The following ZNF365 variants were observed in gnomAD, a reference collection of about 807,000 sequenced individuals.
ZNF365 encodes the protein zinc finger protein 365.
A neutral mutation model predicts 35.0 loss-of-function variants in ZNF365; 22 were observed. The ratio of observed to expected loss-of-function variants is 0.63; its 90% confidence interval spans 0.45 to 0.90. The LOEUF (loss-of-function observed/expected upper bound fraction) is 0.90. Ranked by LOEUF, ZNF365 falls within the 40% of genes least tolerant of loss-of-function variation. The pLI, the probability that ZNF365 is intolerant of heterozygous loss-of-function variation, is 0.00. For synonymous variants in ZNF365, 188 were observed against 196.2 expected (o/e 0.96, Z 0.35); for missense variants, 448 against 500.3 (o/e 0.90, Z 1.00).
At chr10:62,397,327 G>A (rs995445846) in intron 3 of ZNF365, among the ~76,000 whole-genome samples, 1 of 152,118 alleles carries the variant, frequency 6.6e-6, no homozygotes, top group African/African-American at 2.4e-5. Context: ...GAAGAATGCA[G>A]GCAGTGATCC....
intron 4 of ZNF365, among the ~76,000 whole-genome samples, chr10:62,471,537 G>A (rs1022508904): frequency 1.3e-4 from 20 of 152,082 alleles, no homozygotes; most frequent in Non-Finnish European, 2.1e-4. Flanking sequence ...TTGGAATAGC[G>A]AAAGGCAGTA....
At chr10:62,458,012 A>G (rs1048086564) in intron 3 of ZNF365, among the ~76,000 whole-genome samples, 12 of 152,218 alleles carry the variant, frequency 7.9e-5, no homozygotes, top group Non-Finnish European at 1.2e-4. Context: ...TTCTTAATAG[A>G]TCAGATCTTG....
At chr10:62,399,492 C>T in intron 4 of ZNF365, 36 bp from the exon 5 acceptor site, 1 of 1,600,526 alleles carries the variant, frequency 6.2e-7, no homozygotes, top group Non-Finnish European at 8.5e-7. Flanking sequence ...TCTTTCTGCT[C>T]ATCTCTTCTC....
At chr10:62,412,096 A>G (rs1839993568) in intron 3 of ZNF365, among the ~76,000 whole-genome samples, 1 of 152,050 alleles carries the variant, frequency 6.6e-6, no homozygotes, top group Admixed American at 6.6e-5. Flanking sequence ...TCACTATCAA[A>G]TTGGCTTCTT....
At position 62,399,880 on chromosome 10, in the gene ZNF365, A is replaced by T. The variant is rs1839798174; in HGVS notation, c.*91A>T. The T allele has an allele frequency of 6.8e-7, 1 of 1,466,624 alleles. No individual in the cohort carries two copies. The highest frequency in any genetic ancestry group is 2.6e-5 in the Admixed American group (1 of 38,238). 90.9% of individuals were successfully genotyped at this position (1,466,624 alleles called of 1,614,324 possible). On this transcript the variant is annotated 3_prime_UTR_variant, in exon 5 of 5. Transcript: ENST00000395254. ...TAATGTCTTTCTGGAAACATTCCAT[A>T]GTAAGACACATTGGAAAAGCCAAGG...
rs971383691 is a variant in ZNF365, at chr10:62,401,810, C to A, written c.*2021C>A. 5 of 985,524 alleles carry A rather than the reference C, an allele frequency of 5.1e-6. No individual in the cohort carries two copies. In the African/African-American group the frequency reaches 7.0e-5, roughly 14 times the overall value. The allele number at this position is 985,524 out of a possible 1,614,324, so 61.0% of individuals were successfully genotyped here. A position where few individuals can be genotyped will look rare whatever the true frequency, so the allele number is the denominator to read the frequency against. ...TTTTCATCTAACATAGAGGGCATGG[C>A]AACTCTCTTTGACAGTGGTACCCCA... On this transcript the variant is annotated 3_prime_UTR_variant, in exon 5 of 5. Transcript: ENST00000395254.
rs1189968853 is a variant in ZNF365, at chr10:62,376,232, G to T, written c.39G>T (p.Trp13Cys). ...QKAFEESRYPWQESFENVAVC... is the reference protein window; with the variant it reads ...QKAFEESRYPCQESFENVAVC... Reference sequence around the variant, plus strand: ...CTTTTGAGGAAAGCAGATATCCCTGGCAGGAGTCCTTTGAGAATGTTGCTG... The same window carrying T: ...CTTTTGAGGAAAGCAGATATCCCTGTCAGGAGTCCTTTGAGAATGTTGCTG... Residue 13 changes from tryptophan (W) to cysteine (C), a missense_variant, in exon 2 of 5, where the codon TGG (tryptophan) becomes TGT (cysteine). Coordinates refer to ENST00000395254, the MANE Select transcript of ZNF365 (RefSeq NM_014951.3). 1 of 1,613,988 alleles carries T rather than the reference G, an allele frequency of 6.2e-7. No individual in the cohort carries two copies. The highest frequency in any genetic ancestry group is 2.2e-5 in the East Asian group (1 of 44,884).
Position 62,376,730 on chromosome 10 carries a change from A to G in ZNF365, c.537A>G (p.Arg179=), listed in dbSNP as rs753941990. The change falls in exon 2 of 5, where the codon AGA becomes AGG. Residue 179 remains arginine, a synonymous_variant. Transcript: ENST00000395254. ...CTGTGGATAGGACCATTGAGAAGAG[A>G]ATTGATAAACTCACCAAAGAGTTGG... ...VEAVDRTIEK[R]IDKLTKELAQ... 1.9e-6 allele frequency: 3 copies of G among 1,614,206 alleles called. No homozygotes were observed. Among genetic ancestry groups the G allele is most frequent in the Non-Finnish European group, 2.5e-6 (3 of 1,180,042 alleles).
At chr10:62,412,600 A>T (rs975066663) in intron 3 of ZNF365, among the ~76,000 whole-genome samples, 32 of 152,142 alleles carry the variant, frequency 2.1e-4, no homozygotes, top group African/African-American at 7.7e-4. Flanking sequence ...TACAAAATCA[A>T]TGTGCAAAAA....
chr10:62,477,884 G>T (rs1364333689), intron 4 of ZNF365, among the ~76,000 whole-genome samples: 1 of 152,168 alleles, frequency 6.6e-6, no homozygotes. Context: ...ATGTGGGGTG[G>T]TGTTTATAAT....
At chr10:62,459,855 C>A (rs1252667997) in intron 4 of ZNF365, 4 of 1,515,950 alleles carry the variant, frequency 2.6e-6, no homozygotes, top group African/African-American at 1.4e-5. Flanking sequence ...AGCAGCCCAT[C>A]TGGGTCCATA....
chr10:62,461,956 C>T (rs943270367), intron 4 of ZNF365, among the ~76,000 whole-genome samples: 1 of 152,084 alleles, frequency 6.6e-6, no homozygotes, highest in African/African-American at 2.4e-5. Context: ...AACAGGAATA[C>T]TTTGGAATTC....
At chr10:62,440,558 A>G (rs1262176418) in intron 3 of ZNF365, among the ~76,000 whole-genome samples, 1 of 152,150 alleles carries the variant, frequency 6.6e-6, no homozygotes, top group African/African-American at 2.4e-5. Flanking sequence ...AGGGGGAGAG[A>G]GAAGGGAAGA....
At chr10:62,396,428 C>T (rs1455547807) in intron 3 of ZNF365, among the ~76,000 whole-genome samples, 1 of 152,056 alleles carries the variant, frequency 6.6e-6, no homozygotes, top group Non-Finnish European at 1.5e-5. Context: ...TGCTTACCTC[C>T]TAGGGCTGCT....
intron 4 of ZNF365, among the ~76,000 whole-genome samples, chr10:62,464,022 A>C (rs1337632545): frequency 6.6e-6 from 1 of 152,168 alleles, no homozygotes; most frequent in African/African-American, 2.4e-5. Context: ...AAAAAACAAA[A>C]GTCTTTCAAC....
At chr10:62,419,836 C>T (rs1840138272) in intron 3 of ZNF365, among the ~76,000 whole-genome samples, 1 of 151,882 alleles carries the variant, frequency 6.6e-6, no homozygotes, top group African/African-American at 2.4e-5. Flanking sequence ...TATTCCCTAC[C>T]CAAGGTCATG....
At chr10:62,442,986 C>T (rs575843927) in intron 3 of ZNF365, among the ~76,000 whole-genome samples, 3 of 152,266 alleles carry the variant, frequency 2.0e-5, no homozygotes, top group Admixed American at 6.5e-5. Flanking sequence ...TTCAATTGTC[C>T]GTCGCATACA....
intron 4 of ZNF365, among the ~76,000 whole-genome samples, chr10:62,467,310 C>T (rs1374614161): frequency 6.6e-6 from 1 of 151,898 alleles, no homozygotes; most frequent in African/African-American, 2.4e-5. Context: ...GTTCCAATAC[C>T]CTTGATCTTT....
chr10:62,427,969 C>T (rs993067315), intron 3 of ZNF365, among the ~76,000 whole-genome samples: 1 of 152,132 alleles, frequency 6.6e-6, no homozygotes, highest in Non-Finnish European at 1.5e-5. Context: ...ATTTGAACAT[C>T]ACAGAAGCCA....
Sources: gnomAD v4.1 joint callset for allele counts (sites outside exome capture counted in the v4.1 genomes callset) on GRCh38, gnomAD v4.1.1 for gene constraint, MANE v1.5 for transcripts, NCBI Gene and HGNC (gene_info 2026-07-23, HGNC 2026-07-21) for gene names.